Variants in EIF2AK2 observed in about 807,000 individuals in gnomAD.
EIF2AK2 encodes eukaryotic translation initiation factor 2 alpha kinase 2.
EIF2AK2 carries 40 observed loss-of-function variants against 70.5 expected under a neutral mutation model. That is an observed-to-expected ratio of 0.57 (90% confidence interval 0.44 to 0.74). The LOEUF (loss-of-function observed/expected upper bound fraction) is 0.74, where lower values mean the gene tolerates loss of function less well. EIF2AK2 is among the 30% of genes least tolerant of loss of function. The pLI, the probability that EIF2AK2 is intolerant of heterozygous loss-of-function variation, is 0.00. For missense variants in EIF2AK2, 555 were observed against 644.3 expected, an observed-to-expected ratio of 0.86 and a Z score of 1.50; for synonymous variants, 198 against 220.9, an observed-to-expected ratio of 0.90 and a Z score of 0.92.
At chr2:37,122,896 G>A (rs919446746) in intron 11 of EIF2AK2, among the ~76,000 whole-genome samples, 13 of 152,140 alleles carry the variant, frequency 8.5e-5, no homozygotes, top group African/African-American at 1.2e-4. Flanking sequence ...GGCCGGGCGC[G>A]GTGGCTCAGG....
intron 10 of EIF2AK2, 129 bp downstream of exon 10, chr2:37,135,355 T>C (rs983583916): frequency 4.0e-6 from 3 of 743,444 alleles, no homozygotes; most frequent in Admixed American, 4.9e-5. Flanking sequence ...ACTATTGTTC[T>C]TACCCTGCGT....
chr2:37,138,367 GAAGAA>G lies in EIF2AK2; in HGVS notation c.594-9_594-5del, dbSNP rs1675202133. On this transcript the variant is annotated splice_polypyrimidine_tract_variant and splice_region_variant and intron_variant, in intron 7 of 16. Coordinates refer to ENST00000233057, the MANE Select transcript of EIF2AK2 (RefSeq NM_001135651.3). ...TTCAGATGATGATTCAGAAGCGCTA[GAAGAA>G]AAGGGTGTAACTATTAGTTTATTAA... 1 of 1,612,236 alleles carries G rather than the reference GAAGAA, an allele frequency of 6.2e-7. No individual in the cohort carries two copies. Among genetic ancestry groups the G allele is most frequent in the South Asian group, 1.1e-5 (1 of 90,828 alleles).
chr2:37,144,955 T>C (rs1237641177), intron 4 of EIF2AK2, among the ~76,000 whole-genome samples: 1 of 151,974 alleles, frequency 6.6e-6, no homozygotes, highest in African/African-American at 2.4e-5. Context: ...GGCACAATCA[T>C]GGCTCCTCGA....
chr2:37,114,583 A>G (rs1674270290), intron 14 of EIF2AK2, 148 bp downstream of exon 14: 1 of 553,732 alleles, frequency 1.8e-6, no homozygotes. Flanking sequence ...GAATAAACTG[A>G]TAAGAAGAAT....
intron 14 of EIF2AK2, among the ~76,000 whole-genome samples, chr2:37,114,095 G>C (rs1674252161): frequency 6.6e-6 from 1 of 152,108 alleles, no homozygotes; most frequent in African/African-American, 2.4e-5. Flanking sequence ...AACATAGTGA[G>C]ACCTTGTCTC....
intron 10 of EIF2AK2, among the ~76,000 whole-genome samples, chr2:37,127,374 G>A (rs373352941): frequency 3.3e-5 from 5 of 152,090 alleles, no homozygotes; most frequent in African/African-American, 1.2e-4. Flanking sequence ...ATGTCTCTCT[G>A]TTGCTGAAAC....
intron 13 of EIF2AK2, among the ~76,000 whole-genome samples, chr2:37,118,923 G>C (rs1674438264): frequency 6.6e-6 from 1 of 152,170 alleles, no homozygotes; most frequent in South Asian, 2.1e-4. Context: ...CATAAATAAG[G>C]TACTTCTGCC....
In EIF2AK2 at chr2:37,102,188, TGTGATC is replaced by T. The variant is rs1174165035; in HGVS notation, c.*5079_*5084del. 6.6e-6 allele frequency: 1 copy of T among 152,046 alleles called. No individual in the cohort carries two copies. The highest frequency in any genetic ancestry group is 2.4e-5 in the African/African-American group (1 of 41,378). 9.4% of individuals were successfully genotyped at this position (152,046 alleles called of 1,614,324 possible). ...CTAGGAGTTCGAGGTTACAAGGAGC[TGTGATC>T]GTACCACTGTACTCTGGCCTGGGTG... On this transcript the variant is annotated 3_prime_UTR_variant, in exon 17 of 17. Coordinates refer to ENST00000233057, the MANE Select transcript of EIF2AK2 (RefSeq NM_001135651.3).
intron 4 of EIF2AK2, among the ~76,000 whole-genome samples, chr2:37,144,939 T>G (rs2148709225): frequency 6.6e-6 from 1 of 152,000 alleles, no homozygotes; most frequent in Middle Eastern, 3.4e-3. Flanking sequence ...CAGGCTGGAG[T>G]ACAGTGGCAC....
intron 4 of EIF2AK2, among the ~76,000 whole-genome samples, chr2:37,145,212 G>C (rs1315670660): frequency 1.4e-5 from 2 of 144,172 alleles, no homozygotes; most frequent in South Asian, 4.4e-4. Context: ...GCACGATCTC[G>C]GCTCACTGCA....
At chr2:37,155,946 AAAAAAAAAG>A (rs1188904931) in intron 1 of EIF2AK2, among the ~76,000 whole-genome samples, 109 of 143,614 alleles carry the variant, frequency 7.6e-4, no homozygotes, top group African/African-American at 2.6e-3. Context: ...TCTCAAAAAA[AAAAAAAAAG>A]AAAAGAAAAG....
intron 1 of EIF2AK2, among the ~76,000 whole-genome samples, chr2:37,151,918 T>A (rs965359850): frequency 6.6e-6 from 1 of 152,164 alleles, no homozygotes; most frequent in Non-Finnish European, 1.5e-5. Context: ...TACAAAAAAT[T>A]AGCCGGGCGC....
intron 3 of EIF2AK2, among the ~76,000 whole-genome samples, chr2:37,147,392 A>G (rs902764326): frequency 6.6e-6 from 1 of 151,134 alleles, no homozygotes; most frequent in Non-Finnish European, 1.5e-5. Context: ...TACATGTGCC[A>G]TGTTGGTGTG....
intron 11 of EIF2AK2, among the ~76,000 whole-genome samples, chr2:37,123,076 G>A (rs1194025835): frequency 1.3e-5 from 2 of 151,914 alleles, no homozygotes; most frequent in African/African-American, 4.8e-5. Context: ...GCTGAGGCAG[G>A]AGAATCGCTT....
chr2:37,130,780 C>G (rs1573019015), intron 10 of EIF2AK2, among the ~76,000 whole-genome samples: 2 of 152,230 alleles, frequency 1.3e-5, no homozygotes, highest in Non-Finnish European at 2.9e-5. Context: ...CCTTTCCCAA[C>G]TACCTCTACA....
At chr2:37,136,927 A>G (rs574153293) in intron 9 of EIF2AK2, 56 bp downstream of exon 9, 3 of 1,509,972 alleles carry the variant, frequency 2.0e-6, no homozygotes, top group South Asian at 1.2e-5. Context: ...AGAACAATAA[A>G]TAAGTCTGAA....
chr2:37,114,344 AAT>A, intron 14 of EIF2AK2, among the ~76,000 whole-genome samples: 1 of 152,128 alleles, frequency 6.6e-6, no homozygotes, highest in Admixed American at 6.5e-5. Context: ...AATTTAAAAA[AAT>A]AGTTAAATTA....
chr2:37,114,863 T>A lies in EIF2AK2; in HGVS notation c.1249-4A>T. The A allele has an allele frequency of 1.3e-6, 2 of 1,542,636 alleles. No individual in the cohort carries two copies. The highest frequency in any genetic ancestry group is 2.1e-5 in the Admixed American group (1 of 47,170). On this transcript the variant is annotated splice_region_variant and splice_polypyrimidine_tract_variant and intron_variant, in intron 13 of 16. Transcript: ENST00000233057. Reference sequence around the variant, plus strand: ...CTACTAAGAATATATTACTTGGCTATGAAAAAAAAAAATTTAACTTACATG... The same window carrying A: ...CTACTAAGAATATATTACTTGGCTAAGAAAAAAAAAAATTTAACTTACATG...
chr2:37,150,154 AAAAC>A (rs1247197252), intron 1 of EIF2AK2, among the ~76,000 whole-genome samples: 3 of 151,214 alleles, frequency 2.0e-5, no homozygotes, highest in East Asian at 3.9e-4. Flanking sequence ...AAAAAAAAAA[AAAAC>A]AAACTTCACA....
Sources: allele counts gnomAD v4.1 joint callset (sites outside exome capture counted in the v4.1 genomes callset), GRCh38; gene constraint gnomAD v4.1.1; transcripts MANE v1.5; gene names NCBI Gene and HGNC (gene_info 2026-07-23, HGNC 2026-07-21).